Variants in HPSE2 observed in about 807,000 individuals in gnomAD.
HPSE2 encodes inactive heparanase-2.
A neutral mutation model predicts 60.5 loss-of-function variants in HPSE2; 38 were observed. The ratio of observed to expected loss-of-function variants is 0.63; its 90% CI spans 0.48 to 0.82. HPSE2 has a LOEUF of 0.82. Ranked by LOEUF, HPSE2 falls within the 40% of genes least tolerant of loss-of-function variation. HPSE2 has a pLI of 0.00. For synonymous variants in HPSE2, 295 were observed against 293.2 expected (o/e 1.01, Z -0.06); for missense variants, 713 against 740.4 (o/e 0.96, Z 0.43).
chr10:98,575,027 C>G (rs1944603907), intron 9 of HPSE2, among the ~76,000 whole-genome samples: 1 of 152,040 alleles, frequency 6.6e-6, no homozygotes, highest in Admixed American at 6.6e-5. Flanking sequence ...CCTGGGAAAG[C>G]AGGGAAGAGG....
At chr10:98,996,137 G>A (rs192784641) in intron 3 of HPSE2, among the ~76,000 whole-genome samples, 3 of 152,086 alleles carry the variant, frequency 2.0e-5, no homozygotes, top group African/African-American at 7.2e-5. Context: ...CTACAGATTG[G>A]TTAATGATAT....
chr10:98,563,427 G>A (rs979430962), intron 9 of HPSE2, among the ~76,000 whole-genome samples: 3 of 152,074 alleles, frequency 2.0e-5, no homozygotes, highest in East Asian at 3.9e-4. Flanking sequence ...GGGGCGTACC[G>A]GTAGTGAGTG....
intron 9 of HPSE2, among the ~76,000 whole-genome samples, chr10:98,582,381 G>A (rs929286385): frequency 2.6e-5 from 4 of 152,164 alleles, no homozygotes; most frequent in Admixed American, 2.0e-4. Flanking sequence ...AAGGAATCAA[G>A]AAAATAATAC....
chr10:99,228,303 C>G (rs1477920031), intron 2 of HPSE2, among the ~76,000 whole-genome samples: 1 of 152,088 alleles, frequency 6.6e-6, no homozygotes, highest in Admixed American at 6.6e-5. Flanking sequence ...GGAGTTTGAA[C>G]ATATTATGTA....
At chr10:98,707,894 G>T (rs989662188) in intron 5 of HPSE2, among the ~76,000 whole-genome samples, 31 of 152,076 alleles carry the variant, frequency 2.0e-4, no homozygotes, top group Admixed American at 5.9e-4. Flanking sequence ...TAATGAAGGG[G>T]CATTTATTGG....
intron 3 of HPSE2, among the ~76,000 whole-genome samples, chr10:98,995,154 TC>T (rs1173573051): frequency 1.3e-5 from 2 of 152,146 alleles, no homozygotes; most frequent in African/African-American, 4.8e-5. Flanking sequence ...ATCCTAGCAT[TC>T]TCTCCTAAAT....
chr10:99,021,979 T>C (rs1350428126), intron 3 of HPSE2, among the ~76,000 whole-genome samples: 1 of 151,742 alleles, frequency 6.6e-6, no homozygotes, highest in Non-Finnish European at 1.5e-5. Flanking sequence ...GCCATGTTGG[T>C]GTGCTGCACC....
rs192251837 is a variant in HPSE2, at chr10:98,856,810, G to A, written c.611-112754C>T. Among the ~76,000 whole-genome samples the A allele has an allele frequency of 2.5e-3, 386 of 152,156 alleles. 2 individuals are homozygous for A. The highest frequency in any genetic ancestry group is 2.7e-3 in the Non-Finnish European group (186 of 67,986). On this transcript the variant is annotated intron_variant, in intron 3 of 11. Transcript: ENST00000370552. The stretch of plus-strand genomic sequence containing the variant: ...CTGTTTCCTAGTCACCCCACATGTA[G>A]TCATTCATTATGTTAAGTAAAAAAT...
At chr10:98,742,792 T>TACACACACACACAC (rs71009713) in intron 4 of HPSE2, among the ~76,000 whole-genome samples, 2 of 147,240 alleles carry the variant, frequency 1.4e-5, no homozygotes, top group Non-Finnish European at 3.0e-5. Flanking sequence ...CACACATACA[T>TACACACACACACAC]ACACACACAC....
At chr10:98,881,027 G>T (rs1953007602) in intron 3 of HPSE2, among the ~76,000 whole-genome samples, 1 of 152,024 alleles carries the variant, frequency 6.6e-6, no homozygotes, top group Non-Finnish European at 1.5e-5. Flanking sequence ...CCATAGCGTT[G>T]TTCCTCTATT....
Position 98,685,075 on chromosome 10 carries a change from G to A in HPSE2, c.1004+8825C>T, listed in dbSNP as rs529272198. On this transcript the variant is annotated intron_variant, in intron 6 of 11. Coordinates refer to ENST00000370552, the MANE Select transcript of HPSE2 (RefSeq NM_021828.5). ...GGGAACATCATCTATCCTCTACTAGGTTCTGCATTTAACAGTTTACTGTAC... is the reference window on the plus strand; with the variant it reads ...GGGAACATCATCTATCCTCTACTAGATTCTGCATTTAACAGTTTACTGTAC... Among the ~76,000 whole-genome samples, 6 of 152,138 alleles carry A rather than the reference G, an allele frequency of 3.9e-5. No individual in the cohort carries two copies. The South Asian group carries it at 1.2e-3, about 32-fold the overall frequency.
intron 3 of HPSE2, among the ~76,000 whole-genome samples, chr10:99,012,144 A>G (rs1957032568): frequency 6.6e-6 from 1 of 152,068 alleles, no homozygotes; most frequent in African/African-American, 2.4e-5. Flanking sequence ...TTCTCTGAGT[A>G]GACATGTTTC....
intron 9 of HPSE2, among the ~76,000 whole-genome samples, chr10:98,539,464 T>G (rs1220180812): frequency 6.6e-6 from 1 of 152,152 alleles, no homozygotes; most frequent in Non-Finnish European, 1.5e-5. Context: ...GAGGTTGCAG[T>G]GAGCCCAGAT....
rs1953281686 is a variant in HPSE2, at chr10:98,889,806, A to T, written c.611-145750T>A. On this transcript the variant is annotated intron_variant, in intron 3 of 11. Transcript: ENST00000370552. ...TATGGGGTACCTTTTGCTTCTATCAAATTAACAAAACTTACAGAGTTTGGA... is the reference window on the plus strand; with the variant it reads ...TATGGGGTACCTTTTGCTTCTATCATATTAACAAAACTTACAGAGTTTGGA... 2.0e-5 allele frequency among the ~76,000 whole-genome samples: 3 copies of T among 152,260 alleles called. No individual in the cohort carries two copies. In the South Asian group the frequency reaches 6.2e-4, roughly 32 times the overall value.
At chr10:98,587,403 C>A (rs1165607529) in intron 9 of HPSE2, among the ~76,000 whole-genome samples, 1 of 152,172 alleles carries the variant, frequency 6.6e-6, no homozygotes, top group Non-Finnish European at 1.5e-5. Context: ...CAGGTTATGG[C>A]CATATCATCA....
chr10:98,790,504 G>A (rs1950631776), intron 3 of HPSE2, among the ~76,000 whole-genome samples: 2 of 152,270 alleles, frequency 1.3e-5, no homozygotes, highest in African/African-American at 2.4e-5. Flanking sequence ...GAGGGATGAG[G>A]AAAGGGAATA....
upstream of HPSE2, among the ~76,000 whole-genome samples, chr10:99,239,850 T>C (rs1366357932): frequency 6.6e-6 from 1 of 152,128 alleles, no homozygotes; most frequent in Non-Finnish European, 1.5e-5. Context: ...TAAAATGACA[T>C]GTCAAAATAA....
intron 3 of HPSE2, among the ~76,000 whole-genome samples, chr10:98,835,599 A>G (rs1428227741): frequency 1.3e-5 from 2 of 152,216 alleles, no homozygotes; most frequent in Non-Finnish European, 2.9e-5. Flanking sequence ...CAAGCCATAA[A>G]GAGTTCTTAG....
intron 2 of HPSE2, among the ~76,000 whole-genome samples, chr10:99,222,130 T>C (rs2133932153): frequency 6.6e-6 from 1 of 152,078 alleles, no homozygotes; most frequent in African/African-American, 2.4e-5. Context: ...AGGCCTTTCC[T>C]CTAGGGGAAA....
Sources: gnomAD v4.1 joint callset for allele counts (sites outside exome capture counted in the v4.1 genomes callset) on GRCh38, gnomAD v4.1.1 for gene constraint, MANE v1.5 for transcripts, NCBI Gene and HGNC (gene_info 2026-07-23, HGNC 2026-07-21) for gene names.